The following SP9 variants were observed in gnomAD, a reference collection of about 807,000 sequenced individuals.
SP9 encodes Sp9 transcription factor, also known as transcription factor Sp9.
In SP9, 5 loss-of-function variants were observed where a neutral mutation model predicts 23.0. The observed-to-expected ratio is 0.22, with a 90% confidence interval of 0.11 to 0.46. The LOEUF (loss-of-function observed/expected upper bound fraction) is 0.46, where lower values mean the gene tolerates loss of function less well. Ranked by LOEUF, SP9 falls within the 20% of genes least tolerant of loss-of-function variation. The pLI, the probability that SP9 is intolerant of heterozygous loss-of-function variation, is 0.99. For missense variants in SP9, 542 were observed against 724.0 expected, an observed-to-expected ratio of 0.75 and a Z score of 2.88; for synonymous variants, 360 against 356.5, an observed-to-expected ratio of 1.01 and a Z score of -0.11.
In SP9 at chr2:174,336,768, C is replaced by G; in HGVS notation, c.683C>G (p.Thr228Arg). 1.3e-6 allele frequency: 2 copies of G among 1,533,382 alleles called. No individual in the cohort carries two copies. The highest frequency in any genetic ancestry group is 1.7e-6 in the Non-Finnish European group (2 of 1,145,604). 95.0% of individuals were successfully genotyped at this position (1,533,382 alleles called of 1,614,324 possible). The change falls in exon 2 of 2, where the codon ACG (threonine) becomes AGG (arginine). Residue 228 changes from threonine to arginine, a missense_variant. By Grantham distance (71) the Thr-to-Arg change is moderately conservative. Around this residue, in one of 8 missense-constraint regions of SP9, gnomAD observed 144 missense variants for 158.7 expected, o/e 0.91. Transcript: ENST00000394967. ...TACAACCCCGACTTCAGCTCGCTCACGCACTCCGCCTTCAGCTCCACGGGC... is the reference window on the plus strand; with the variant it reads ...TACAACCCCGACTTCAGCTCGCTCAGGCACTCCGCCTTCAGCTCCACGGGC... ...GTYNPDFSSLTHSAFSSTGLG... is the reference protein window; with the variant it reads ...GTYNPDFSSLRHSAFSSTGLG...
At position 174,336,751 on chromosome 2, in the gene SP9, C is replaced by A; in HGVS notation, c.666C>A (p.Pro222=). 6.5e-7 allele frequency: 1 copy of A among 1,533,550 alleles called. No individual in the cohort carries two copies. The highest frequency in any genetic ancestry group is 8.7e-7 in the Non-Finnish European group (1 of 1,145,710). The allele number at this position is 1,533,550 out of a possible 1,614,324, so 95.0% of individuals were successfully genotyped here. Residue 222 remains proline, a synonymous_variant, in exon 2 of 2, where the codon CCC becomes CCA. Transcript: ENST00000394967. ...SLHSQLGTYN[P]DFSSLTHSAF... Reference sequence around the variant, plus strand: ...ACTCGCAGCTGGGCACCTACAACCCCGACTTCAGCTCGCTCACGCACTCCG... The same window carrying A: ...ACTCGCAGCTGGGCACCTACAACCCAGACTTCAGCTCGCTCACGCACTCCG...
Position 174,337,134 on chromosome 2 carries a change from A to G in SP9, c.1049A>G (p.Lys350Arg), listed in dbSNP as rs1467945867. The change falls in exon 2 of 2, where the codon AAG (lysine) becomes AGG (arginine). Residue 350 changes from lysine to arginine, a missense_variant. By Grantham distance (26) the Lys-to-Arg change is conservative. Around this residue, in one of 8 missense-constraint regions of SP9, gnomAD observed 16 missense variants for 77.1 expected, o/e 0.21. Transcript: ENST00000394967. ...GKVYGKTSHL[K>R]AHLRWHTGER... is the part of the protein sequence containing the mutation. The stretch of plus-strand genomic sequence containing the variant: ...GTGTACGGGAAGACGTCGCACCTGA[A>G]GGCGCACCTGCGCTGGCACACGGGC... 1 of 1,607,368 alleles carries G rather than the reference A, an allele frequency of 6.2e-7. No individual in the cohort carries two copies. Among genetic ancestry groups the G allele is most frequent in the Non-Finnish European group, 8.5e-7 (1 of 1,177,726 alleles).
chr2:174,338,490 T>C lies in SP9; in HGVS notation c.*950T>C, dbSNP rs1684454680. The C allele has an allele frequency of 6.6e-6, 1 of 152,214 alleles. No homozygotes were observed. The highest frequency in any genetic ancestry group is 1.5e-5 in the Non-Finnish European group (1 of 68,030). 9.4% of individuals were successfully genotyped at this position (152,214 alleles called of 1,614,324 possible). A position where few individuals can be genotyped will look rare whatever the true frequency, so the allele number is the denominator to read the frequency against. On this transcript the variant is annotated 3_prime_UTR_variant, in exon 2 of 2. Transcript: ENST00000394967. ...TTTCATTTTGGTATTATTAAAGGACTCTGAACAATACATTTCCTTTTTTAA... is the reference window on the plus strand; with the variant it reads ...TTTCATTTTGGTATTATTAAAGGACCCTGAACAATACATTTCCTTTTTTAA...
rs1307258068 is a variant in SP9 at position 174,336,203 on chromosome 2, A to C, written c.118A>C (p.Ser40Arg). ...CCCGCTGACGACGCTGCCAGAGTCG[A>C]GCGCCTTCGCCAAAGGCGGCTTTCA... is the stretch of plus-strand genomic sequence containing the variant. ...TSPLTTLPES[S>R]AFAKGGFHPW... The change falls in exon 2 of 2, where the codon AGC becomes CGC. Residue 40 changes from serine (S) to arginine (R), a missense_variant. By Grantham distance (110) the Ser-to-Arg change is moderately radical (BLOSUM62 -1). Coordinates refer to ENST00000394967, the MANE Select transcript of SP9 (RefSeq NM_001145250.2). 1 of 1,550,386 alleles carries C rather than the reference A, an allele frequency of 6.5e-7. No individual in the cohort carries two copies. The highest frequency in any genetic ancestry group is 1.4e-5 in the African/African-American group (1 of 72,930).
intron 1 of SP9, 94 bp from the exon 2 acceptor site, chr2:174,336,013 G>A: frequency 8.2e-7 from 1 of 1,212,418 alleles, no homozygotes; most frequent in Non-Finnish European, 1.1e-6. Context: ...AGCAGCCGCA[G>A]GGGACGAGGC....
chr2:174,335,100 C>T lies in SP9; in HGVS notation c.8C>T (p.Thr3Met), dbSNP rs1684383578. 1.3e-6 allele frequency: 2 copies of T among 1,551,756 alleles called. No individual in the cohort carries two copies. Among genetic ancestry groups the T allele is most frequent in the Non-Finnish European group, 8.7e-7 (1 of 1,146,990 alleles). The change falls in exon 1 of 2, where the codon ACG becomes ATG. Residue 3 changes from threonine to methionine, a missense_variant. Transcript: ENST00000394967. The stretch of plus-strand genomic sequence containing the variant: ...CGCAGCCAGAGACCTGCTATGGCCA[C>T]GTCTATACTCGGGGTAAGTCGCAAG... Reference protein sequence around the residue: MATSILGEEPRFG... With the variant: MAMSILGEEPRFG...
chr2:174,336,524 C>T lies in SP9; in HGVS notation c.439C>T (p.Pro147Ser). The T allele has an allele frequency of 2.1e-6, 3 of 1,448,970 alleles. No individual in the cohort carries two copies. The highest frequency in any genetic ancestry group is 2.7e-6 in the Non-Finnish European group (3 of 1,104,370). 89.8% of individuals were successfully genotyped at this position (1,448,970 alleles called of 1,614,324 possible). Reference protein sequence around the residue: ...VHTTAADGLYPRVGMAHPYES... With the variant: ...VHTTAADGLYSRVGMAHPYES... ...CACGACGGCAGCCGACGGGCTGTAC[C>T]CGCGCGTGGGCATGGCGCACCCGTA... Residue 147 changes from proline (P) to serine (S), a missense_variant, in exon 2 of 2, where the codon CCG becomes TCG. Pro to Ser is a moderately conservative substitution (Grantham distance 74, BLOSUM62 -1). Around this residue, in one of 8 missense-constraint regions of SP9, gnomAD observed 201 missense variants for 226.3 expected, o/e 0.89. Transcript: ENST00000394967.
Position 174,335,044 on chromosome 2 carries a change from G to A in SP9, c.-49G>A. ...ACCCAAGCAGTTTTTCCGAGCAGCC[G>A]CCAGGCTCAGCCCCGCTCCCAGCCT... On this transcript the variant is annotated 5_prime_UTR_variant, in exon 1 of 2. Coordinates refer to ENST00000394967, the MANE Select transcript of SP9 (RefSeq NM_001145250.2). 4 of 1,545,128 alleles carry A rather than the reference G, an allele frequency of 2.6e-6. No homozygotes were observed. The highest frequency in any genetic ancestry group is 3.5e-6 in the Non-Finnish European group (4 of 1,141,964).
In SP9 at chr2:174,336,133, G is replaced by A. The variant is rs1308379050; in HGVS notation, c.48G>A (p.Pro16=). 2.0e-6 allele frequency: 3 copies of A among 1,522,208 alleles called. No individual in the cohort carries two copies. Among genetic ancestry groups the A allele is most frequent in the African/African-American group, 2.8e-5 (2 of 71,888 alleles). The allele number at this position is 1,522,208 out of a possible 1,614,324, so 94.3% of individuals were successfully genotyped here. A position where few individuals can be genotyped will look rare whatever the true frequency, so the allele number is the denominator to read the frequency against. The change falls in exon 2 of 2, where the codon CCG becomes CCA. Residue 16 remains proline, a synonymous_variant. Transcript: ENST00000394967. ...LGEEPRFGTT[P]LAMLAATCNK... ...AAGAGCCGCGCTTCGGAACGACCCCGTTGGCCATGCTGGCGGCGACCTGCA... is the reference window on the plus strand; with the variant it reads ...AAGAGCCGCGCTTCGGAACGACCCCATTGGCCATGCTGGCGGCGACCTGCA...
chr2:174,337,647 C>A lies in SP9; in HGVS notation c.*107C>A. ...GGCGGGAGGGCAGGGGCTTCAGTGACGCCCCCAGGGCCCGGGCTGGGCGCG... is the reference window on the plus strand; with the variant it reads ...GGCGGGAGGGCAGGGGCTTCAGTGAAGCCCCCAGGGCCCGGGCTGGGCGCG... On this transcript the variant is annotated 3_prime_UTR_variant, in exon 2 of 2. Transcript: ENST00000394967. 1 of 1,041,724 alleles carries A rather than the reference C, an allele frequency of 9.6e-7. No individual in the cohort carries two copies. Among genetic ancestry groups the A allele is most frequent in the Non-Finnish European group, 1.2e-6 (1 of 864,684 alleles). 64.5% of individuals were successfully genotyped at this position (1,041,724 alleles called of 1,614,324 possible).
In SP9 at chr2:174,336,476, T is replaced by C; in HGVS notation, c.391T>C (p.Ser131Pro). The change falls in exon 2 of 2, where the codon TCG becomes CCG. Residue 131 changes from serine to proline, a missense_variant. Ser to Pro is a moderately conservative substitution (Grantham distance 74). This residue lies in a region of SP9 where 201 missense variants were observed against 226.3 expected (regional missense o/e 0.89). Transcript: ENST00000394967. ...GTCCCCGCAGGAGGCGGGTGGCCAG[T>C]CGGCCTTCATTTCCAAGGTGCACAC... ...GVSPQEAGGQ[S>P]AFISKVHTTA... 2 of 1,479,708 alleles carry C rather than the reference T, an allele frequency of 1.4e-6. No homozygotes were observed. Among genetic ancestry groups the C allele is most frequent in the Admixed American group, 2.5e-5 (1 of 40,436 alleles). The allele number at this position is 1,479,708 out of a possible 1,614,324, so 91.7% of individuals were successfully genotyped here.
At position 174,335,325 on chromosome 2, in the gene SP9, C is replaced by A. The variant is rs1684388371; in HGVS notation, c.21+212C>A. The A allele has an allele frequency of 9.3e-6, 5 of 535,528 alleles. No homozygotes were observed. The Admixed American group carries it at 9.4e-5, about 10-fold the overall frequency. The allele number at this position is 535,528 out of a possible 1,614,324, so 33.2% of individuals were successfully genotyped here. ...CAAGAAAAGGCCTTCTTAATCAAGT[C>A]CTTTTTCATTTGGTTTCAAAAAAAA... is the stretch of plus-strand genomic sequence containing the variant. On this transcript the variant is annotated intron_variant, in intron 1 of 1. Coordinates refer to ENST00000394967, the MANE Select transcript of SP9 (RefSeq NM_001145250.2).
chr2:174,337,508 A>G lies in SP9; in HGVS notation c.1423A>G (p.Lys475Glu). 2 of 1,181,794 alleles carry G rather than the reference A, an allele frequency of 1.7e-6. No homozygotes were observed. The highest frequency in any genetic ancestry group is 4.0e-5 in the South Asian group (1 of 24,954). The allele number at this position is 1,181,794 out of a possible 1,614,324, so 73.2% of individuals were successfully genotyped here. A position where few individuals can be genotyped will look rare whatever the true frequency, so the allele number is the denominator to read the frequency against. Reference protein sequence around the residue: ...AAAAAASAGGKEAASGPNDS With the variant: ...AAAAAASAGGEEAASGPNDS Reference sequence around the variant, plus strand: ...GGCGGCGGCGGCCTCCGCGGGAGGCAAGGAAGCAGCGTCTGGCCCCAACGA... The same window carrying G: ...GGCGGCGGCGGCCTCCGCGGGAGGCGAGGAAGCAGCGTCTGGCCCCAACGA... Residue 475 changes from lysine (K) to glutamate (E), a missense_variant, in exon 2 of 2, where the codon AAG (lysine) becomes GAG (glutamate). Coordinates refer to ENST00000394967, the MANE Select transcript of SP9 (RefSeq NM_001145250.2).
chr2:174,336,719 T>C lies in SP9; in HGVS notation c.634T>C (p.Ser212Pro), dbSNP rs1365810516. The change falls in exon 2 of 2, where the codon TCG (serine) becomes CCG (proline). Residue 212 changes from serine (S) to proline (P), a missense_variant. This residue lies in a region of SP9 where 144 missense variants were observed against 158.7 expected (regional missense o/e 0.91). Coordinates refer to ENST00000394967, the MANE Select transcript of SP9 (RefSeq NM_001145250.2). Reference sequence around the variant, plus strand: ...GCTGCACTCGGGCGCCCCCCAGGCCTCGCTGCACTCGCAGCTGGGCACCTA... The same window carrying C: ...GCTGCACTCGGGCGCCCCCCAGGCCCCGCTGCACTCGCAGCTGGGCACCTA... ...SSLHSGAPQA[S>P]LHSQLGTYNP... is the part of the protein sequence containing the mutation. 1 of 1,527,828 alleles carries C rather than the reference T, an allele frequency of 6.5e-7. No homozygotes were observed. The highest frequency in any genetic ancestry group is 8.7e-7 in the Non-Finnish European group (1 of 1,143,546). 94.6% of individuals were successfully genotyped at this position (1,527,828 alleles called of 1,614,324 possible). A position where few individuals can be genotyped will look rare whatever the true frequency, so the allele number is the denominator to read the frequency against.
Position 174,337,885 on chromosome 2 carries a change from A to C in SP9, c.*345A>C, listed in dbSNP as rs537760191. 1.3e-5 allele frequency: 2 copies of C among 155,514 alleles called. No homozygotes were observed. The highest frequency in any genetic ancestry group is 2.4e-5 in the African/African-American group (1 of 41,610). The allele number at this position is 155,514 out of a possible 1,614,324, so 9.6% of individuals were successfully genotyped here. A position where few individuals can be genotyped will look rare whatever the true frequency, so the allele number is the denominator to read the frequency against. ...CACGCACACTCGCGCGCGCACACAC[A>C]TACCACTCGCCCAAACTTCTCGAGC... On this transcript the variant is annotated 3_prime_UTR_variant, in exon 2 of 2. Coordinates refer to ENST00000394967, the MANE Select transcript of SP9 (RefSeq NM_001145250.2).
Position 174,335,350 on chromosome 2 carries a change from A to T in SP9, c.21+237A>T, listed in dbSNP as rs1191514180. ...CCTTTTTCATTTGGTTTCAAAAAAA[A>T]GCTAGAGGTTTCTTTTCTTCCCCTC... On this transcript the variant is annotated intron_variant, in intron 1 of 1. Coordinates refer to ENST00000394967, the MANE Select transcript of SP9 (RefSeq NM_001145250.2). The T allele has an allele frequency of 5.5e-6, 3 of 542,974 alleles. No individual in the cohort carries two copies. The African/African-American group carries it at 5.7e-5, about 10-fold the overall frequency. The allele number at this position is 542,974 out of a possible 1,614,324, so 33.6% of individuals were successfully genotyped here.
In SP9 at chr2:174,336,859, C is replaced by T. The variant is rs1183941868; in HGVS notation, c.774C>T (p.Asp258=). The change falls in exon 2 of 2, where the codon GAC becomes GAT. Residue 258 remains aspartate (D), a synonymous_variant. Transcript: ENST00000394967. ...LSTSQHLLAQ[D]GFKPVLPSYS... ...CCAGCCAGCACCTGCTGGCCCAGGA[C>T]GGCTTCAAGCCGGTGTTGCCCTCCT... is the stretch of plus-strand genomic sequence containing the variant. 1.3e-6 allele frequency: 2 copies of T among 1,521,838 alleles called. No homozygotes were observed. Among genetic ancestry groups the T allele is most frequent in the Middle Eastern group, 1.7e-4 (1 of 5,930 alleles). 94.3% of individuals were successfully genotyped at this position (1,521,838 alleles called of 1,614,324 possible).
Position 174,337,781 on chromosome 2 carries a change from G to A in SP9, c.*241G>A. 1 of 268,400 alleles carries A rather than the reference G, an allele frequency of 3.7e-6. No individual in the cohort carries two copies. The highest frequency in any genetic ancestry group is 6.0e-6 in the Non-Finnish European group (1 of 165,868). The allele number at this position is 268,400 out of a possible 1,614,324, so 16.6% of individuals were successfully genotyped here. A position where few individuals can be genotyped will look rare whatever the true frequency, so the allele number is the denominator to read the frequency against. ...TCGAACGCGTGGTCCGGAAACAAAA[G>A]CGAACCATCCTCCGACACAAACACT... On this transcript the variant is annotated 3_prime_UTR_variant, in exon 2 of 2. Transcript: ENST00000394967.
Position 174,336,651 on chromosome 2 carries a change from C to T in SP9, c.566C>T (p.Ser189Leu). The change falls in exon 2 of 2, where the codon TCG becomes TTG. Residue 189 changes from serine to leucine, a missense_variant. Transcript: ENST00000394967. The part of the protein sequence containing the change: ...SWWDVHSSPG[S>L]WLEVQNPAGG... ...TGGGACGTGCACAGCAGCCCGGGCT[C>T]GTGGCTGGAAGTGCAGAACCCCGCT... is the stretch of plus-strand genomic sequence containing the variant. 1 of 1,499,494 alleles carries T rather than the reference C, an allele frequency of 6.7e-7. No individual in the cohort carries two copies. Among genetic ancestry groups the T allele is most frequent in the Non-Finnish European group, 8.9e-7 (1 of 1,129,352 alleles). 92.9% of individuals were successfully genotyped at this position (1,499,494 alleles called of 1,614,324 possible).
Sources: gnomAD v4.1 joint callset for allele counts on GRCh38, gnomAD v4.1.1 for gene constraint, gnomAD v4.1.1 regional missense constraint, MANE v1.5 for transcripts, NCBI Gene and HGNC (gene_info 2026-07-23, HGNC 2026-07-21) for gene names.